The following ZC3H12B variants were observed in gnomAD, a reference collection of about 807,000 sequenced individuals.
ZC3H12B encodes zinc finger CCCH-type containing 12B.
A neutral mutation model predicts 43.9 loss-of-function variants in ZC3H12B; 7 were observed. The ratio of observed to expected loss-of-function variants is 0.16; its 90% CI spans 0.09 to 0.30. ZC3H12B has a LOEUF of 0.30. Among genes scored for constraint, ZC3H12B ranks in the 10% least tolerant of loss-of-function variants. The pLI, the probability that ZC3H12B is intolerant of heterozygous loss-of-function variation, is 1.00. For synonymous variants in ZC3H12B, 222 were observed against 241.7 expected, an observed-to-expected ratio of 0.92 and a Z score of 0.76; for missense variants, 475 against 670.2, an observed-to-expected ratio of 0.71 and a Z score of 3.22.
the ZC3H12B span, among the ~76,000 whole-genome samples, chrX:65,240,334 G>A: frequency 9.0e-6 from 1 of 111,469 alleles, no homozygotes. Flanking sequence ...TTCAAGCTCT[G>A]AGATTATTTT....
At chrX:65,351,119 CAGAT>C in the ZC3H12B span, among the ~76,000 whole-genome samples, 28 of 111,738 alleles carry the variant, frequency 2.5e-4, no homozygotes, top group Non-Finnish European at 4.7e-4. Flanking sequence ...GGTACCAAAA[CAGAT>C]ATATAGACAA....
the ZC3H12B span, among the ~76,000 whole-genome samples, chrX:65,136,717 T>A: frequency 1.8e-5 from 2 of 111,730 alleles, no homozygotes; most frequent in Admixed American, 9.5e-5. Flanking sequence ...CCAGGGGAAC[T>A]CATTGCTGTG....
intron 3 of ZC3H12B, among the ~76,000 whole-genome samples, chrX:65,449,130 C>A (rs917459055): frequency 1.8e-5 from 2 of 109,998 alleles, no homozygotes; most frequent in African/African-American, 6.6e-5. Flanking sequence ...TGGTGGGGAA[C>A]AACACACACT....
At chrX:65,444,952 A>T (rs1165608038) in intron 3 of ZC3H12B, among the ~76,000 whole-genome samples, 3 of 111,993 alleles carry the variant, frequency 2.7e-5, no homozygotes, top group Non-Finnish European at 5.6e-5. Flanking sequence ...CTTCGAGCTC[A>T]CTAATTCTTT....
the ZC3H12B span, among the ~76,000 whole-genome samples, chrX:65,324,571 G>A: frequency 3.6e-5 from 4 of 111,249 alleles, no homozygotes; most frequent in African/African-American, 1.3e-4. Context: ...GGTTGCCCAT[G>A]AACATATTTA....
the ZC3H12B span, among the ~76,000 whole-genome samples, chrX:65,294,929 C>T: frequency 1.8e-5 from 2 of 109,960 alleles, no homozygotes; most frequent in Admixed American, 9.7e-5. Flanking sequence ...CAACTGACAG[C>T]ACTAGACAGG....
the ZC3H12B span, among the ~76,000 whole-genome samples, chrX:65,065,196 A>T: frequency 9.1e-6 from 1 of 110,130 alleles, no homozygotes; most frequent in Admixed American, 9.7e-5. Context: ...GATGGTAGCT[A>T]GTTATTTTAC....
chrX:65,308,573 G>T, the ZC3H12B span, among the ~76,000 whole-genome samples: 196 of 111,458 alleles, frequency 1.8e-3, 3 homozygotes, highest in Middle Eastern at 9.3e-3. Context: ...GTATGAGACA[G>T]ATCAATGAGA....
At chrX:65,250,351 G>C in the ZC3H12B span, among the ~76,000 whole-genome samples, 618 of 111,916 alleles carry the variant, frequency 5.5e-3, 3 homozygotes, top group Admixed American at 0.01. Flanking sequence ...GGATATTTGG[G>C]TTGGTTCCAA....
At chrX:65,159,249 G>A in the ZC3H12B span, among the ~76,000 whole-genome samples, 55 of 111,729 alleles carry the variant, frequency 4.9e-4, no homozygotes, top group Non-Finnish European at 1.7e-4. Context: ...TTGACTTGGC[G>A]ATGCGGGCTC....
the ZC3H12B span, among the ~76,000 whole-genome samples, chrX:65,167,864 G>C: frequency 8.9e-6 from 1 of 112,073 alleles, no homozygotes; most frequent in Non-Finnish European, 1.9e-5. Context: ...AAGAATGCTT[G>C]TGATTTTTAC....
At chrX:65,489,260 T>C in exon 1 of ZC3H12B, 3 of 1,211,567 alleles carry the variant, frequency 2.5e-6, no homozygotes, top group Non-Finnish European at 3.4e-6. Flanking sequence ...ACAAAGGTGA[T>C]TCAGAAGGGC....
At chrX:65,355,393 T>A in the ZC3H12B span, among the ~76,000 whole-genome samples, 1 of 111,948 alleles carries the variant, frequency 8.9e-6, no homozygotes, top group Non-Finnish European at 1.9e-5. Flanking sequence ...AAAGTATATT[T>A]AAATATTTTA....
chrX:65,108,992 T>G, the ZC3H12B span, among the ~76,000 whole-genome samples: 1 of 111,738 alleles, frequency 8.9e-6, no homozygotes, highest in Non-Finnish European at 1.9e-5. Flanking sequence ...TCTCCAAGGT[T>G]TTCTGGGTTT....
the ZC3H12B span, among the ~76,000 whole-genome samples, chrX:65,306,575 G>T: frequency 1.8e-5 from 2 of 111,041 alleles, no homozygotes; most frequent in African/African-American, 6.6e-5. Flanking sequence ...GGGTTGCACT[G>T]TGTTGCCCAG....
the ZC3H12B span, among the ~76,000 whole-genome samples, chrX:65,079,581 G>C: frequency 1.8e-5 from 2 of 112,406 alleles, no homozygotes; most frequent in Non-Finnish European, 3.8e-5. Flanking sequence ...GTATTTGCCT[G>C]GTAATCCAAA....
the ZC3H12B span, among the ~76,000 whole-genome samples, chrX:65,209,885 A>T: frequency 4.1e-5 from 4 of 98,226 alleles, no homozygotes; most frequent in Admixed American, 3.3e-4. Flanking sequence ...CTGAAACTGG[A>T]TCCCTTCCTT....
intron 2 of ZC3H12B, among the ~76,000 whole-genome samples, chrX:65,370,108 A>G (rs1181629819): frequency 1.8e-5 from 2 of 112,200 alleles, no homozygotes; most frequent in Non-Finnish European, 3.8e-5. Context: ...GAAGAGGAAG[A>G]AAAAAAGTAT....
At chrX:65,097,266 T>C in the ZC3H12B span, among the ~76,000 whole-genome samples, 3 of 112,027 alleles carry the variant, frequency 2.7e-5, no homozygotes, top group South Asian at 1.1e-3. Flanking sequence ...GTGTGTTAGC[T>C]CTTTCAGTCT....
Sources: gnomAD v4.1 joint callset for allele counts (sites outside exome capture counted in the v4.1 genomes callset) on GRCh38, gnomAD v4.1.1 for gene constraint, MANE v1.5 for transcripts, NCBI Gene and HGNC (gene_info 2026-07-23, HGNC 2026-07-21) for gene names.